NBEA: variants seen among roughly 807,000 people sequenced by gnomAD.
The protein encoded by NBEA is neurobeachin.
Under a neutral mutation model 343.4 loss-of-function variants are expected in NBEA, and 44 were observed. That is an observed-to-expected ratio of 0.13 (90% CI 0.10 to 0.16). NBEA has a LOEUF of 0.16. NBEA is among the 10% of genes least tolerant of loss of function. NBEA has a pLI of 1.00. For missense variants in NBEA, 2,555 were observed against 3,631.3 expected (o/e 0.70, Z 7.62); for synonymous variants, 1,175 against 1,238.7 (o/e 0.95, Z 1.08).
chr13:35,615,008 G>A (rs147815130), intron 48 of NBEA, among the ~76,000 whole-genome samples: 3 of 151,810 alleles, frequency 2.0e-5, no homozygotes, highest in African/African-American at 7.2e-5. Flanking sequence ...AACTTCAGGT[G>A]CATCATTGTT....
intron 17 of NBEA, among the ~76,000 whole-genome samples, chr13:35,136,842 G>A (rs953747864): frequency 1.3e-5 from 2 of 152,190 alleles, no homozygotes; most frequent in African/African-American, 4.8e-5. Context: ...TGAGAGCTGA[G>A]TCAAAAGAAA....
intron 33 of NBEA, among the ~76,000 whole-genome samples, chr13:35,217,939 G>A (rs1036163033): frequency 5.9e-5 from 9 of 152,062 alleles, no homozygotes; most frequent in Non-Finnish European, 1.3e-4. Context: ...CTCAGGTTTT[G>A]GGAAATTTTT....
intron 1 of NBEA, among the ~76,000 whole-genome samples, chr13:34,981,064 T>A (rs748393711): frequency 1.3e-5 from 2 of 152,168 alleles, no homozygotes; most frequent in South Asian, 4.1e-4. Flanking sequence ...AATAATATGC[T>A]AATTTGTAGT....
At position 35,139,105 on chromosome 13, in the gene NBEA, G is replaced by C. The variant is rs1245016837; in HGVS notation, c.2337-3164G>C. On this transcript the variant is annotated intron_variant, in intron 17 of 58. Coordinates refer to ENST00000379939, the MANE Select transcript of NBEA (RefSeq NM_001385012.1). ...AGACAGAGCCTAACTCTGTTGCCCA[G>C]GCTGGAGTGCAGTGATGCAATCTCA... Among the ~76,000 whole-genome samples the C allele has an allele frequency of 2.5e-4, 29 of 117,686 alleles. 1 individual carries two copies. Among genetic ancestry groups the C allele is most frequent in the Non-Finnish European group, 4.7e-4 (29 of 62,226 alleles). The allele number at this position is 117,686 out of a possible 152,430, so 77.2% of individuals were successfully genotyped here.
chr13:35,378,342 G>C (rs1174917733), intron 38 of NBEA, among the ~76,000 whole-genome samples: 2 of 152,082 alleles, frequency 1.3e-5, no homozygotes, highest in African/African-American at 4.8e-5. Flanking sequence ...TCATAACTCA[G>C]GAATGAACAC....
chr13:35,604,763 C>T (rs140002802), intron 47 of NBEA, among the ~76,000 whole-genome samples: 156 of 152,226 alleles, frequency 1.0e-3, no homozygotes, highest in Admixed American at 3.3e-3. Context: ...CTGTTCTCCT[C>T]TTGTGCTCAG....
At chr13:34,958,433 A>G (rs1200186742) in intron 1 of NBEA, among the ~76,000 whole-genome samples, 1 of 152,152 alleles carries the variant, frequency 6.6e-6, no homozygotes, top group Non-Finnish European at 1.5e-5. Context: ...GACTGGGGGA[A>G]GTGACAATGG....
At chr13:35,586,889 C>T (rs1433140172) in intron 46 of NBEA, among the ~76,000 whole-genome samples, 1 of 152,132 alleles carries the variant, frequency 6.6e-6, no homozygotes, top group African/African-American at 2.4e-5. Context: ...GCAGTTTCAG[C>T]CACAAGTCAA....
chr13:34,948,293 T>C (rs2152481512), intron 1 of NBEA, among the ~76,000 whole-genome samples: 1 of 152,206 alleles, frequency 6.6e-6, no homozygotes, highest in South Asian at 2.1e-4. Flanking sequence ...AGAATTGTGG[T>C]GATTGGTTCA....
chr13:35,542,685 AAC>A (rs1196430549), intron 41 of NBEA, among the ~76,000 whole-genome samples: 1 of 152,140 alleles, frequency 6.6e-6, no homozygotes, highest in Non-Finnish European at 1.5e-5. Flanking sequence ...TGTTTAAATT[AAC>A]AGTTACAATT....
chr13:35,415,157 C>G lies in NBEA; in HGVS notation c.6180-17112C>G, dbSNP rs1047800253. On this transcript the variant is annotated intron_variant, in intron 38 of 58. Coordinates refer to ENST00000379939, the MANE Select transcript of NBEA (RefSeq NM_001385012.1). ...AGCCCTTTGTCAGATGAGTAGATTG[C>G]AGAAATTTTCTCCCATTCTGTAGGT... Among the ~76,000 whole-genome samples, 9 of 152,262 alleles carry G rather than the reference C, an allele frequency of 5.9e-5. No homozygotes were observed. The South Asian group carries it at 1.4e-3, about 25-fold the overall frequency.
At chr13:35,633,824 T>C (rs938234743) in intron 49 of NBEA, among the ~76,000 whole-genome samples, 5 of 152,232 alleles carry the variant, frequency 3.3e-5, no homozygotes, top group African/African-American at 9.6e-5. Flanking sequence ...ACCAAAACTA[T>C]CAATTTAATT....
chr13:35,167,340 T>A (rs2070116472), intron 24 of NBEA, among the ~76,000 whole-genome samples: 2 of 151,990 alleles, frequency 1.3e-5, no homozygotes, highest in Admixed American at 6.6e-5. Context: ...ATACTAGAGA[T>A]AACATTTTTG....
chr13:35,648,144 A>G (rs1412942232), intron 51 of NBEA, among the ~76,000 whole-genome samples: 1 of 149,056 alleles, frequency 6.7e-6, no homozygotes, highest in Non-Finnish European at 1.5e-5. Flanking sequence ...GAATACAGGC[A>G]TAAGCCACCA....
intron 38 of NBEA, among the ~76,000 whole-genome samples, chr13:35,404,581 C>T (rs1407505797): frequency 1.9e-4 from 24 of 125,558 alleles, no homozygotes; most frequent in African/African-American, 7.2e-4. Context: ...GGAAGGGGAA[C>T]ATCACACTCT....
intron 1 of NBEA, among the ~76,000 whole-genome samples, chr13:35,026,492 A>T (rs994067543): frequency 3.9e-5 from 6 of 152,114 alleles, no homozygotes; most frequent in Non-Finnish European, 7.4e-5. Context: ...GCATGGCAAT[A>T]TCTTTCATAG....
intron 38 of NBEA, among the ~76,000 whole-genome samples, chr13:35,357,946 T>G (rs2040585673): frequency 6.6e-6 from 1 of 152,178 alleles, no homozygotes; most frequent in African/African-American, 2.4e-5. Context: ...TTAAAAATAT[T>G]TTCTGTCTGC....
intron 20 of NBEA, among the ~76,000 whole-genome samples, 155 bp from the exon 21 acceptor site, chr13:35,156,923 T>G (rs2152708856): frequency 6.6e-6 from 1 of 152,300 alleles, no homozygotes; most frequent in Non-Finnish European, 1.5e-5. Context: ...AGAAAGTCAT[T>G]CCAAGTATAG....
At chr13:35,591,031 A>G (rs1029383170) in intron 46 of NBEA, among the ~76,000 whole-genome samples, 2 of 152,116 alleles carry the variant, frequency 1.3e-5, no homozygotes, top group Non-Finnish European at 2.9e-5. Flanking sequence ...TACTTGGTAC[A>G]GTGCGTAAAG....
Sources: allele counts gnomAD v4.1 joint callset (sites outside exome capture counted in the v4.1 genomes callset), GRCh38; gene constraint gnomAD v4.1.1; transcripts MANE v1.5; gene names NCBI Gene and HGNC (gene_info 2026-07-23, HGNC 2026-07-21).